The following BDH1 variants were observed in gnomAD, a reference collection of about 807,000 sequenced individuals.
BDH1 encodes the protein 3-hydroxybutyrate dehydrogenase 1, also known as D-beta-hydroxybutyrate dehydrogenase, mitochondrial.
In BDH1, 30 loss-of-function variants were observed where a neutral mutation model predicts 33.1. The observed-to-expected ratio is 0.91, with a 90% confidence interval of 0.68 to 1.23. The LOEUF is 1.23. BDH1 is among the 50% of genes most tolerant of loss of function. The probability of loss-of-function intolerance (pLI) is 0.00; values close to 1 mark genes in which losing one functional copy is unlikely to be tolerated. For missense variants in BDH1, 443 were observed against 464.4 expected (o/e 0.95, Z 0.42); for synonymous variants, 190 against 183.6 (o/e 1.03, Z -0.28).
rs1713707438 is a variant in BDH1 at position 197,522,860 on chromosome 3, G to A, written c.268-79C>T. 1.3e-6 allele frequency: 2 copies of A among 1,547,720 alleles called. No individual in the cohort carries two copies. Among genetic ancestry groups the A allele is most frequent in the Middle Eastern group, 1.7e-4 (1 of 5,820 alleles). On this transcript the variant is annotated intron_variant, in intron 5 of 7. Coordinates refer to ENST00000392379, the MANE Select transcript of BDH1 (RefSeq NM_203314.3). The surrounding 1 kb of genome is among the most constrained non-coding windows in gnomAD (Gnocchi z 4.8). ...ACCCTGAGGACTCCTGTCAAGGCAG[G>A]AGCTGGCCTCAAGTCCCAGCCAAAG...
At position 197,554,394 on chromosome 3, in the gene BDH1, A is replaced by T. The variant is rs1373905868; in HGVS notation, c.-44+168T>A. On this transcript the variant is annotated intron_variant, in intron 2 of 7. Transcript: ENST00000392379. This position sits in a 1 kb window ranked among gnomAD's most constrained non-coding sequence, Gnocchi z 4.4. ...GAATCACTCTCTTCTTGCTCCTCCG[A>T]ATATTTATTGTGTGACGCCTGACAG... The T allele has an allele frequency of 1.3e-5, 2 of 152,164 alleles. No homozygotes were observed. Among genetic ancestry groups the T allele is most frequent in the Non-Finnish European group, 2.9e-5 (2 of 68,036 alleles). 9.4% of individuals were successfully genotyped at this position (152,164 alleles called of 1,614,324 possible). A position where few individuals can be genotyped will look rare whatever the true frequency, so the allele number is the denominator to read the frequency against.
chr3:197,568,251 G>A (rs1291455559), intron 1 of BDH1, among the ~76,000 whole-genome samples: 2 of 151,332 alleles, frequency 1.3e-5, no homozygotes, highest in African/African-American at 4.9e-5. Context: ...ACAGTCTTCT[G>A]TTTGTTTTGA....
intron 3 of BDH1, among the ~76,000 whole-genome samples, chr3:197,535,508 T>G (rs943451965): frequency 2.0e-5 from 3 of 152,204 alleles, no homozygotes; most frequent in Non-Finnish European, 4.4e-5. Context: ...GCCTTCAGGA[T>G]CTCAGTGTCC....
At chr3:197,538,206 G>A in intron 3 of BDH1, 1 of 444,092 alleles carries the variant, frequency 2.3e-6, no homozygotes. Flanking sequence ...CGGAGGTCCT[G>A]TTAGTTTTTA....
At chr3:197,538,572 G>A (rs1413503847) in intron 3 of BDH1, 3 of 335,694 alleles carry the variant, frequency 8.9e-6, no homozygotes, top group African/African-American at 4.3e-5. Context: ...CACTGGTCTC[G>A]AACTCCTGAC....
chr3:197,510,914 T>C lies in BDH1; in HGVS notation c.*981A>G, dbSNP rs1222035965. 1.3e-5 allele frequency: 2 copies of C among 152,026 alleles called. No individual in the cohort carries two copies. The highest frequency in any genetic ancestry group is 2.9e-5 in the Non-Finnish European group (2 of 68,080). The allele number at this position is 152,026 out of a possible 1,614,324, so 9.4% of individuals were successfully genotyped here. ...TAGCCAGAGAGCACCTCCACACAAG[T>C]CTATCCTGAGTCCTAAAAGAGGATG... On this transcript the variant is annotated 3_prime_UTR_variant, in exon 8 of 8. Transcript: ENST00000392379.
chr3:197,536,693 C>A (rs898292952), intron 3 of BDH1, among the ~76,000 whole-genome samples: 1 of 151,844 alleles, frequency 6.6e-6, no homozygotes, highest in Non-Finnish European at 1.5e-5. Flanking sequence ...ATACAAAAAA[C>A]CAGCCGGGCA....
chr3:197,531,421 A>ATATATATATATATATGTG (rs1234371732), intron 5 of BDH1, among the ~76,000 whole-genome samples: 16 of 137,730 alleles, frequency 1.2e-4, no homozygotes, highest in Non-Finnish European at 2.0e-4. Flanking sequence ...AAAAAAAAAT[A>ATATATATATATATATGTG]TATATATATA....
At position 197,566,548 on chromosome 3, in the gene BDH1, G is replaced by A. The variant is rs35044509; in HGVS notation, c.-44+6633C>T. 8.7e-3 allele frequency among the ~76,000 whole-genome samples: 1,325 copies of A among 151,966 alleles called. 18 individuals are homozygous for A. The highest frequency in any genetic ancestry group is 0.02 in the South Asian group (98 of 4,798). ...TTCTATGGAACAAAGTTCCATCAAA[G>A]CCAATTTAAAAGCCTATGTAAAAAA... On this transcript the variant is annotated intron_variant, in intron 1 of 6. Coordinates refer to the BDH1 transcript ENST00000358186.
rs1717339992 is a variant in BDH1, at chr3:197,563,704, G to A, written c.-44+9477C>T. Among the ~76,000 whole-genome samples the A allele has an allele frequency of 1.3e-5, 2 of 152,088 alleles. 1 individual carries two copies. The highest frequency in any genetic ancestry group is 4.1e-4 in the South Asian group (2 of 4,832). On this transcript the variant is annotated intron_variant, in intron 1 of 6. Transcript: ENST00000358186. ...TGTAAGAAAACATTCTTTTTAAAAA[G>A]TGTGTCATTTTTAAAAAGATGAATA...
Position 197,514,258 on chromosome 3 carries a change from A to T in BDH1, c.562+6T>A. The T allele has an allele frequency of 6.2e-7, 1 of 1,606,702 alleles. No homozygotes were observed. Among genetic ancestry groups the T allele is most frequent in the Non-Finnish European group, 8.5e-7 (1 of 1,175,632 alleles). On this transcript the variant is annotated splice_donor_region_variant and intron_variant, in intron 7 of 7. Coordinates refer to ENST00000392379, the MANE Select transcript of BDH1 (RefSeq NM_203314.3). The surrounding 1 kb of genome is among the most constrained non-coding windows in gnomAD (Gnocchi z 4.2). ...GGGGCAGGAGGGAGCTCCCTTTCCC[A>T]CTCACCTTTGGCCCTTCGGATGAGG...
At chr3:197,515,266 A>G in intron 6 of BDH1, 1 of 985,128 alleles carries the variant, frequency 1.0e-6, no homozygotes, top group Non-Finnish European at 1.2e-6. Context: ...TTATTAGGGA[A>G]AGGAAATTGC....
At chr3:197,549,975 T>TTATTTATATATATATATATATA (rs1553875236) in intron 2 of BDH1, among the ~76,000 whole-genome samples, 4 of 146,888 alleles carry the variant, frequency 2.7e-5, no homozygotes, top group African/African-American at 1.1e-4. Flanking sequence ...CAAATAACTA[T>TTATTTATATATATATATATATA]TATATATATA....
At chr3:197,552,204 T>C (rs1182195139) in intron 2 of BDH1, among the ~76,000 whole-genome samples, 5 of 152,218 alleles carry the variant, frequency 3.3e-5, no homozygotes, top group African/African-American at 1.2e-4. Flanking sequence ...TCCTGCACAC[T>C]CCACGGCCCA....
rs567004676 is a variant in BDH1 at position 197,548,934 on chromosome 3, T to A, written c.-43-2448A>T. Among the ~76,000 whole-genome samples, 11 of 152,330 alleles carry A rather than the reference T, an allele frequency of 7.2e-5. No individual in the cohort carries two copies. The East Asian group carries it at 1.9e-3, about 27-fold the overall frequency. Reference sequence around the variant, plus strand: ...ATGCACTGTTCTCAATGTAGTCTGTTGCATGCGTGTTTCTTAAACATGCAG... The same window carrying A: ...ATGCACTGTTCTCAATGTAGTCTGTAGCATGCGTGTTTCTTAAACATGCAG... On this transcript the variant is annotated intron_variant, in intron 2 of 7. Transcript: ENST00000392379.
At chr3:197,546,221 T>A in intron 3 of BDH1, 140 bp downstream of exon 3, 1 of 782,114 alleles carries the variant, frequency 1.3e-6, no homozygotes, top group East Asian at 2.5e-5. Context: ...CACCTCTGAG[T>A]TTCCTCTGCT....
At chr3:197,571,668 A>G (rs1296785187) in intron 1 of BDH1, among the ~76,000 whole-genome samples, 1 of 152,200 alleles carries the variant, frequency 6.6e-6, no homozygotes, top group Non-Finnish European at 1.5e-5. Flanking sequence ...CTCTCCAGCC[A>G]TGTGGAACTG....
In BDH1 at chr3:197,526,655, G is replaced by A. The variant is rs563275624; in HGVS notation, c.268-3874C>T. On this transcript the variant is annotated intron_variant, in intron 5 of 7. Coordinates refer to ENST00000392379, the MANE Select transcript of BDH1 (RefSeq NM_203314.3). The surrounding 1 kb of genome is among the most constrained non-coding windows in gnomAD (Gnocchi z 4.7). ...CAGCTCACTGGATGGTTACCCTTAA[G>A]GTGACTCCAAGCAGCTCTCTCCACT... Among the ~76,000 whole-genome samples, 21 of 152,306 alleles carry A rather than the reference G, an allele frequency of 1.4e-4. No homozygotes were observed. Among genetic ancestry groups the A allele is most frequent in the African/African-American group, 5.1e-4 (21 of 41,558 alleles).
At chr3:197,538,461 C>T (rs1221907440) in intron 3 of BDH1, 1 of 444,222 alleles carries the variant, frequency 2.3e-6, no homozygotes, top group Admixed American at 2.4e-5. Flanking sequence ...AAGCGATTCT[C>T]CTGCCTCAGC....
Sources: gnomAD v4.1 joint callset for allele counts (sites outside exome capture counted in the v4.1 genomes callset) on GRCh38, gnomAD v4.1.1 for gene constraint, Gnocchi (gnomAD v3.1) non-coding constraint, MANE v1.5 for transcripts, NCBI Gene and HGNC (gene_info 2026-07-23, HGNC 2026-07-21) for gene names.